The following TTK variants were observed in gnomAD, a reference collection of about 807,000 sequenced individuals.
TTK encodes the protein dual specificity protein kinase TTK.
Under a neutral mutation model 117.3 loss-of-function variants are expected in TTK, and 59 were observed. The ratio of observed to expected loss-of-function variants is 0.50; its 90% CI spans 0.41 to 0.62. The LOEUF (loss-of-function observed/expected upper bound fraction) is 0.62, where lower values mean the gene tolerates loss of function less well. TTK is among the 20% of genes least tolerant of loss of function. TTK has a pLI of 0.00. For synonymous variants in TTK, 302 were observed against 325.0 expected (o/e 0.93, Z 0.76); for missense variants, 921 against 989.4 (o/e 0.93, Z 0.93).
In TTK at chr6:80,011,890, G is replaced by A; in HGVS notation, c.806G>A (p.Cys269Tyr). Residue 269 changes from cysteine to tyrosine, a missense_variant, in exon 8 of 22, where the codon TGC becomes TAC. Transcript: ENST00000369798. ...AATCTTTCAAAATATTTTTAGTCAT[G>A]CCCATTTGGAAGAGTCCCAGTTAAC... is the stretch of plus-strand genomic sequence containing the variant. Reference protein sequence around the residue: ...LRQTNKTKQSCPFGRVPVNLL... With the variant: ...LRQTNKTKQSYPFGRVPVNLL... 6.2e-7 allele frequency: 1 copy of A among 1,612,364 alleles called. No individual in the cohort carries two copies.
intron 16 of TTK, among the ~76,000 whole-genome samples, chr6:80,036,043 CA>C (rs1719377662): frequency 6.6e-6 from 1 of 152,054 alleles, no homozygotes; most frequent in Admixed American, 6.6e-5. Flanking sequence ...ATGTCAGGAG[CA>C]TTAGGGTCTT....
Position 80,011,529 on chromosome 6 carries a change from A to G in TTK, c.709A>G (p.Lys237Glu). 1 of 1,603,440 alleles carries G rather than the reference A, an allele frequency of 6.2e-7. No homozygotes were observed. The highest frequency in any genetic ancestry group is 8.5e-7 in the Non-Finnish European group (1 of 1,176,720). Residue 237 changes from lysine to glutamate, a missense_variant, in exon 6 of 22, where the codon AAA (lysine) becomes GAA (glutamate). By Grantham distance (56) the Lys-to-Glu change is moderately conservative. Transcript: ENST00000369798. Reference sequence around the variant, plus strand: ...TTGTGATTCCAGAGGACAGACTACTAAAGCCAGGTTTTTATATGGGTAAGG... The same window carrying G: ...TTGTGATTCCAGAGGACAGACTACTGAAGCCAGGTTTTTATATGGGTAAGG... ...NSCDSRGQTT[K>E]ARFLYGENMP... is the part of the protein sequence containing the mutation.
At chr6:80,039,904 C>T (rs903604147) in intron 19 of TTK, 32 bp downstream of exon 19, 58 of 1,403,814 alleles carry the variant, frequency 4.1e-5, no homozygotes, top group Non-Finnish European at 5.3e-5. Flanking sequence ...TAATTATTTA[C>T]TTAAAAGAAA....
chr6:80,034,813 T>C (rs1269448079), intron 14 of TTK, among the ~76,000 whole-genome samples, 172 bp from the exon 15 acceptor site: 2 of 152,184 alleles, frequency 1.3e-5, no homozygotes, highest in African/African-American at 2.4e-5. Context: ...GTTACTCTGC[T>C]ATCAGAATTA....
At chr6:80,012,873 G>A (rs754913579) in intron 8 of TTK, among the ~76,000 whole-genome samples, 4 of 152,026 alleles carry the variant, frequency 2.6e-5, no homozygotes, top group Non-Finnish European at 4.4e-5. Context: ...AAAAACTGCA[G>A]CCATTTTCTT....
intron 10 of TTK, among the ~76,000 whole-genome samples, chr6:80,018,626 C>CAAA (rs398048650): frequency 3.4e-5 from 3 of 87,342 alleles, no homozygotes; most frequent in Non-Finnish European, 7.2e-5. Flanking sequence ...GACTCCGTCT[C>CAAA]AAAAAAAAAA....
chr6:80,020,747 A>C (rs1488996005), intron 10 of TTK, among the ~76,000 whole-genome samples: 1 of 152,274 alleles, frequency 6.6e-6, no homozygotes, highest in Non-Finnish European at 1.5e-5. Flanking sequence ...ATCAGAGGCC[A>C]GGTTGTTGGA....
chr6:80,041,810 C>G (rs1040013493), intron 21 of TTK, among the ~76,000 whole-genome samples: 1 of 151,258 alleles, frequency 6.6e-6, no homozygotes, highest in Non-Finnish European at 1.5e-5. Context: ...TTACCTAAGA[C>G]TGGCTTTATT....
intron 9 of TTK, 164 bp downstream of exon 9, chr6:80,013,530 A>C (rs980543697): frequency 1.1e-5 from 6 of 546,678 alleles, no homozygotes; most frequent in Non-Finnish European, 1.6e-5. Context: ...AAGTTGGTGC[A>C]GAAGTCCTAG....
chr6:80,021,141 C>T (rs1026804166), intron 10 of TTK, among the ~76,000 whole-genome samples: 10 of 152,200 alleles, frequency 6.6e-5, no homozygotes, highest in Non-Finnish European at 1.2e-4. Context: ...CTGTTGACCT[C>T]CAAGATGCCA....
intron 11 of TTK, among the ~76,000 whole-genome samples, chr6:80,024,611 G>A (rs1166718561): frequency 1.3e-5 from 2 of 152,152 alleles, no homozygotes; most frequent in Non-Finnish European, 1.5e-5. Context: ...TGGGGAGTGG[G>A]GAGTGATTGC....
intron 4 of TTK, 134 bp from the exon 5 acceptor site, chr6:80,010,680 T>G: frequency 3.4e-6 from 3 of 882,952 alleles, no homozygotes; most frequent in Non-Finnish European, 4.9e-6. Context: ...ATAAAATACA[T>G]GAGCCTTGGA....
intron 21 of TTK, 32 bp from the exon 22 acceptor site, chr6:80,042,086 AT>A: frequency 2.7e-6 from 4 of 1,459,490 alleles, no homozygotes; most frequent in Non-Finnish European, 2.8e-6. Flanking sequence ...TAACTAAAAA[AT>A]TGCAAAACAG....
chr6:80,017,747 A>T (rs1767349556), intron 10 of TTK, among the ~76,000 whole-genome samples: 2 of 152,238 alleles, frequency 1.3e-5, no homozygotes, highest in African/African-American at 4.8e-5. Context: ...TGTGATTGAT[A>T]TTTAACTGAA....
At chr6:80,010,172 G>A (rs920212264) in intron 4 of TTK, among the ~76,000 whole-genome samples, 17 of 151,958 alleles carry the variant, frequency 1.1e-4, no homozygotes, top group African/African-American at 4.1e-4. Context: ...TCAAATGCTA[G>A]GGGTAAGTTT....
intron 20 of TTK, 38 bp downstream of exon 20, chr6:80,040,318 G>T (rs773642978): frequency 2.0e-6 from 3 of 1,481,464 alleles, no homozygotes; most frequent in Non-Finnish European, 2.8e-6. Context: ...TACTAGATTG[G>T]TAGTATAAAC....
At chr6:80,015,173 C>A (rs1312141137) in intron 10 of TTK, among the ~76,000 whole-genome samples, 1 of 127,422 alleles carries the variant, frequency 7.8e-6, no homozygotes, top group African/African-American at 3.1e-5. Context: ...TTTGAAGAAA[C>A]AAATTAGGAT....
chr6:80,026,786 C>T (rs368606780), intron 12 of TTK, among the ~76,000 whole-genome samples: 1 of 152,052 alleles, frequency 6.6e-6, no homozygotes, highest in Non-Finnish European at 1.5e-5. Flanking sequence ...GGATGTAAAA[C>T]GTCTTGATAA....
At chr6:80,039,427 C>T (rs1323525363) in intron 18 of TTK, among the ~76,000 whole-genome samples, 4 of 151,592 alleles carry the variant, frequency 2.6e-5, no homozygotes, top group Non-Finnish European at 5.9e-5. Flanking sequence ...TTTATATTTT[C>T]ACAAGTTGGG....
Sources: gnomAD v4.1 joint callset for allele counts (sites outside exome capture counted in the v4.1 genomes callset) on GRCh38, gnomAD v4.1.1 for gene constraint, MANE v1.5 for transcripts, NCBI Gene and HGNC (gene_info 2026-07-23, HGNC 2026-07-21) for gene names.